RNASEH2B: variants seen among roughly 807,000 people sequenced by gnomAD.
The protein encoded by RNASEH2B is ribonuclease H2 subunit B.
RNASEH2B carries 36 observed loss-of-function variants against 45.0 expected under a neutral mutation model. The ratio of observed to expected loss-of-function variants is 0.80; its 90% CI spans 0.61 to 1.06. The LOEUF (loss-of-function observed/expected upper bound fraction) is 1.06. Ranked by LOEUF, RNASEH2B falls within the 50% of genes least tolerant of loss-of-function variation. The pLI, the probability that RNASEH2B is intolerant of heterozygous loss-of-function variation, is 0.00. For synonymous variants in RNASEH2B, 119 were observed against 125.7 expected, an observed-to-expected ratio of 0.95 and a Z score of 0.35; for missense variants, 361 against 360.3, an observed-to-expected ratio of 1.00 and a Z score of -0.02.
chr13:50,946,368 T>G lies in RNASEH2B; in HGVS notation c.616+836T>G, dbSNP rs536640518. On this transcript the variant is annotated intron_variant, in intron 7 of 10. Coordinates refer to ENST00000336617, the MANE Select transcript of RNASEH2B (RefSeq NM_024570.4). ...CTAGGAATAGTGGCCTGTTTGTGATTGATAGTAATTCAGGCAATCTGATTT... is the reference window on the plus strand; with the variant it reads ...CTAGGAATAGTGGCCTGTTTGTGATGGATAGTAATTCAGGCAATCTGATTT... 6.2e-4 allele frequency among the ~76,000 whole-genome samples: 94 copies of G among 152,316 alleles called. 1 individual carries two copies. In the South Asian group the frequency reaches 0.018, roughly 30 times the overall value.
At chr13:50,955,910 T>G (rs1472401712) in intron 10 of RNASEH2B, 1 of 162,668 alleles carries the variant, frequency 6.1e-6, no homozygotes, top group East Asian at 1.7e-4. Flanking sequence ...AGTCATCTTT[T>G]GAATATCATA....
intron 1 of RNASEH2B, among the ~76,000 whole-genome samples, chr13:50,926,196 AG>A (rs1481150079): frequency 6.6e-6 from 1 of 152,154 alleles, no homozygotes; most frequent in African/African-American, 2.4e-5. Flanking sequence ...TATTAGTTTA[AG>A]AAAAAATGGT....
At chr13:50,922,081 A>G (rs1321418578) in intron 1 of RNASEH2B, among the ~76,000 whole-genome samples, 2 of 152,218 alleles carry the variant, frequency 1.3e-5, no homozygotes, top group Non-Finnish European at 2.9e-5. Flanking sequence ...TTTGCAGGGC[A>G]TAGTTGTTAT....
intron 6 of RNASEH2B, among the ~76,000 whole-genome samples, chr13:50,944,552 T>C (rs889905169): frequency 6.6e-6 from 1 of 152,186 alleles, no homozygotes; most frequent in African/African-American, 2.4e-5. Context: ...CAAACCACTG[T>C]GGTACATGTA....
downstream of RNASEH2B, chr13:50,959,811 A>G (rs1488974029): frequency 6.0e-6 from 1 of 167,648 alleles, no homozygotes; most frequent in Non-Finnish European, 1.3e-5. Context: ...TTATGTTTAA[A>G]TATGCTGTGA....
chr13:50,962,975 A>G (rs1188656744), intron 9 of RNASEH2B, among the ~76,000 whole-genome samples: 1 of 151,822 alleles, frequency 6.6e-6, no homozygotes, highest in Non-Finnish European at 1.5e-5. Context: ...AATTTCATGT[A>G]TGCTGGAACA....
chr13:50,923,532 G>A (rs1951551569), intron 1 of RNASEH2B, among the ~76,000 whole-genome samples: 1 of 152,104 alleles, frequency 6.6e-6, no homozygotes, highest in Non-Finnish European at 1.5e-5. Flanking sequence ...ACATATTTAA[G>A]GTGCTGAAAT....
At chr13:50,937,174 AT>A (rs1483858692) in intron 5 of RNASEH2B, 3 of 152,122 alleles carry the variant, frequency 2.0e-5, no homozygotes, top group Non-Finnish European at 4.4e-5. Flanking sequence ...GAATCTCAAA[AT>A]AATGGAAGTT....
In RNASEH2B at chr13:50,909,836, T is replaced by C. The variant is rs1879227891; in HGVS notation, c.-241T>C. Reference sequence around the variant, plus strand: ...GAGGCCGCGGCCCCTTCCCGTTGCCTGCGGCCACCGGCCGGCATTCAGAGC... The same window carrying C: ...GAGGCCGCGGCCCCTTCCCGTTGCCCGCGGCCACCGGCCGGCATTCAGAGC... On this transcript the variant is annotated 5_prime_UTR_variant, in exon 1 of 11. Coordinates refer to ENST00000336617, the MANE Select transcript of RNASEH2B (RefSeq NM_024570.4). 2.5e-6 allele frequency: 1 copy of C among 404,488 alleles called. No individual in the cohort carries two copies. The highest frequency in any genetic ancestry group is 4.4e-6 in the Non-Finnish European group (1 of 226,438). 25.1% of individuals were successfully genotyped at this position (404,488 alleles called of 1,614,324 possible).
At position 50,929,490 on chromosome 13, in the gene RNASEH2B, A is replaced by G. The variant is rs1268965945; in HGVS notation, c.152A>G (p.Tyr51Cys). The change falls in exon 3 of 11, where the codon TAC (tyrosine) becomes TGC (cysteine). Residue 51 changes from tyrosine to cysteine, a missense_variant. By Grantham distance (194) the Tyr-to-Cys change is radical. Transcript: ENST00000336617. ...GTCTTAACAGGAGAAGGAGCCATTT[A>G]CTTGTTCAATATGTGTCTACAGCAG... ...VNPCSGEGAI[Y>C]LFNMCLQQLF... The G allele has an allele frequency of 3.1e-6, 5 of 1,612,312 alleles. No individual in the cohort carries two copies. Among genetic ancestry groups the G allele is most frequent in the East Asian group, 4.5e-5 (2 of 44,874 alleles).
chr13:50,953,385 C>G (rs1184859040), intron 9 of RNASEH2B: 1 of 162,804 alleles, frequency 6.1e-6, no homozygotes, highest in Non-Finnish European at 1.3e-5. Flanking sequence ...CATTTAGCCT[C>G]TCTGTGCTTC....
Position 50,934,873 on chromosome 13 carries a change from CTG to C in RNASEH2B, c.322-10_322-9del, listed in dbSNP as rs748279384. 9 of 1,558,878 alleles carry C rather than the reference CTG, an allele frequency of 5.8e-6. No individual in the cohort carries two copies. The highest frequency in any genetic ancestry group is 8.0e-6 in the Non-Finnish European group (9 of 1,131,282). On this transcript the variant is annotated splice_polypyrimidine_tract_variant and intron_variant, in intron 4 of 10. Transcript: ENST00000336617. Reference sequence around the variant, plus strand: ...AATGAAATGCTTGCTTTCCAACTAACTGTTTTTTCAGGGGAAGTTTCAGCCCC... The same window carrying C: ...AATGAAATGCTTGCTTTCCAACTAACTTTTTTCAGGGGAAGTTTCAGCCCC...
intron 6 of RNASEH2B, 62 bp downstream of exon 6, chr13:50,943,456 AGAG>A: frequency 8.6e-7 from 1 of 1,160,900 alleles, no homozygotes; most frequent in Admixed American, 1.7e-5. Context: ...AGAAATTTTC[AGAG>A]AAGGCAGTAA....
At chr13:50,954,634 T>C (rs1410043300) in intron 10 of RNASEH2B, 1 of 152,386 alleles carries the variant, frequency 6.6e-6, no homozygotes, top group African/African-American at 2.4e-5. Context: ...TTTTATTTTT[T>C]GTTTTTATTG....
intron 1 of RNASEH2B, among the ~76,000 whole-genome samples, chr13:50,916,450 G>T (rs1313674936): frequency 3.9e-5 from 6 of 152,282 alleles, no homozygotes; most frequent in African/African-American, 1.4e-4. Flanking sequence ...TTGACAAAGA[G>T]AATTTGTATT....
chr13:50,940,561 G>A (rs545196704), intron 5 of RNASEH2B, among the ~76,000 whole-genome samples: 145 of 152,330 alleles, frequency 9.5e-4, no homozygotes, highest in Non-Finnish European at 1.7e-3. Context: ...TGGAGAGATG[G>A]AATGTGGGAG....
chr13:50,929,967 C>G, intron 3 of RNASEH2B: 1 of 289,542 alleles, frequency 3.5e-6, no homozygotes, highest in Non-Finnish European at 6.7e-6. Context: ...CTAACATAGG[C>G]TAGAGCATAA....
chr13:50,920,337 C>T lies in RNASEH2B; in HGVS notation c.65-7070C>T, dbSNP rs551706511. On this transcript the variant is annotated intron_variant, in intron 1 of 10. Coordinates refer to ENST00000336617, the MANE Select transcript of RNASEH2B (RefSeq NM_024570.4). The stretch of plus-strand genomic sequence containing the variant: ...TACTGGGATTACAAGTGTGAGCCAC[C>T]GTGCCTAGCCTGTGGAAGCCCAGCA... Among the ~76,000 whole-genome samples, 59 of 152,276 alleles carry T rather than the reference C, an allele frequency of 3.9e-4. No homozygotes were observed. The Middle Eastern group carries it at 0.014, about 35-fold the overall frequency.
chr13:50,969,867 C>A, intron 9 of RNASEH2B: 1 of 1,472,778 alleles, frequency 6.8e-7, no homozygotes. Flanking sequence ...GCAGATGGTG[C>A]TTGGGGTTTC....
Sources: allele counts gnomAD v4.1 joint callset (sites outside exome capture counted in the v4.1 genomes callset), GRCh38; gene constraint gnomAD v4.1.1; transcripts MANE v1.5; gene names NCBI Gene and HGNC (gene_info 2026-07-23, HGNC 2026-07-21).